The following ANKS1B variants were observed in gnomAD, a reference collection of about 807,000 sequenced individuals.
The protein encoded by ANKS1B is ankyrin repeat and sterile alpha motif domain-containing protein 1B.
In ANKS1B, 36 loss-of-function variants were observed where a neutral mutation model predicts 148.3. That is an observed-to-expected ratio of 0.24 (90% CI 0.19 to 0.32). The LOEUF (loss-of-function observed/expected upper bound fraction) is 0.32. ANKS1B is among the 10% of genes least tolerant of loss of function. The pLI, the probability that ANKS1B is intolerant of heterozygous loss-of-function variation, is 1.00. For synonymous variants in ANKS1B, 542 were observed against 560.8 expected (o/e 0.97, Z 0.47); for missense variants, 1,157 against 1,542.6 (o/e 0.75, Z 4.19).
At chr12:99,332,261 A>G (rs1398002645) in intron 12 of ANKS1B, among the ~76,000 whole-genome samples, 2 of 152,050 alleles carry the variant, frequency 1.3e-5, no homozygotes, top group African/African-American at 4.8e-5. Context: ...TGCGCACATT[A>G]AAGTTTGAGA....
chr12:98,876,003 A>G (rs1366664917), intron 17 of ANKS1B, among the ~76,000 whole-genome samples: 1 of 152,222 alleles, frequency 6.6e-6, no homozygotes, highest in Non-Finnish European at 1.5e-5. Context: ...TGCAGGAACC[A>G]TAACAAAAAC....
chr12:98,913,340 C>T (rs1567746613), intron 17 of ANKS1B, among the ~76,000 whole-genome samples: 1 of 152,152 alleles, frequency 6.6e-6, no homozygotes, highest in African/African-American at 2.4e-5. Context: ...ACATTCAGGA[C>T]CATACTCTCC....
intron 22 of ANKS1B, among the ~76,000 whole-genome samples, chr12:98,793,541 G>A (rs891091835): frequency 1.3e-5 from 2 of 152,128 alleles, no homozygotes; most frequent in Non-Finnish European, 2.9e-5. Flanking sequence ...AACAGCAAAG[G>A]AGACATCTTA....
At chr12:98,905,993 C>A (rs1442550167) in intron 17 of ANKS1B, among the ~76,000 whole-genome samples, 4 of 152,172 alleles carry the variant, frequency 2.6e-5, no homozygotes, top group African/African-American at 9.7e-5. Flanking sequence ...ATAGAATGAA[C>A]CAGTGTTCCC....
At chr12:98,854,424 G>A (rs553027854) in intron 17 of ANKS1B, among the ~76,000 whole-genome samples, 1 of 152,272 alleles carries the variant, frequency 6.6e-6, no homozygotes, top group East Asian at 1.9e-4. Context: ...TTAGTAATAT[G>A]ACTGAAAAAT....
At chr12:98,883,412 G>A (rs563358088) in intron 17 of ANKS1B, among the ~76,000 whole-genome samples, 6 of 152,268 alleles carry the variant, frequency 3.9e-5, no homozygotes, top group South Asian at 4.1e-4. Context: ...CCCATATGAC[G>A]ATGGTCACAT....
At position 99,070,876 on chromosome 12, in the gene ANKS1B, C is replaced by G. The variant is rs568306576; in HGVS notation, c.2625+14049G>C. 2.0e-5 allele frequency among the ~76,000 whole-genome samples: 3 copies of G among 152,126 alleles called. No homozygotes were observed. In the East Asian group the frequency reaches 5.8e-4, roughly 29 times the overall value. On this transcript the variant is annotated intron_variant, in intron 16 of 26. Coordinates refer to ENST00000683438, the MANE Select transcript of ANKS1B (RefSeq NM_001352186.2). ...GACAGGGTCTCACTATGTTGCCCAG[C>G]CTTGTCTTGAAGTCCTTCCCTCACG... is the stretch of plus-strand genomic sequence containing the variant.
chr12:99,553,764 C>A (rs575958413), intron 9 of ANKS1B, among the ~76,000 whole-genome samples: 2 of 152,250 alleles, frequency 1.3e-5, no homozygotes, highest in East Asian at 3.9e-4. Flanking sequence ...TTTTTATTTG[C>A]GGGATCATCT....
chr12:99,675,094 C>A (rs1426981233), intron 8 of ANKS1B, among the ~76,000 whole-genome samples: 1 of 151,972 alleles, frequency 6.6e-6, no homozygotes, highest in South Asian at 2.1e-4. Context: ...TGTTTTCAAA[C>A]CATAATGTTT....
At chr12:99,324,449 C>T (rs562555430) in intron 12 of ANKS1B, among the ~76,000 whole-genome samples, 1 of 152,088 alleles carries the variant, frequency 6.6e-6, no homozygotes, top group African/African-American at 2.4e-5. Context: ...TCCAGCATCA[C>T]GACCCTCTGA....
chr12:99,283,262 G>C (rs769435788), intron 12 of ANKS1B, among the ~76,000 whole-genome samples: 1 of 152,140 alleles, frequency 6.6e-6, no homozygotes, highest in South Asian at 2.1e-4. Flanking sequence ...GTGAAATTCT[G>C]GGTAGATGCC....
At chr12:99,668,305 C>G (rs2098519329) in intron 8 of ANKS1B, among the ~76,000 whole-genome samples, 1 of 152,018 alleles carries the variant, frequency 6.6e-6, no homozygotes, top group Non-Finnish European at 1.5e-5. Flanking sequence ...TATTCATTCT[C>G]CTGGATCTTT....
intron 17 of ANKS1B, among the ~76,000 whole-genome samples, chr12:98,858,987 T>G (rs1371673708): frequency 2.6e-5 from 4 of 152,218 alleles, no homozygotes; most frequent in Non-Finnish European, 1.5e-5. Flanking sequence ...TGTTGTGTCT[T>G]TCTAAGATTT....
At chr12:98,876,951 T>G (rs947974350) in intron 17 of ANKS1B, among the ~76,000 whole-genome samples, 2 of 152,216 alleles carry the variant, frequency 1.3e-5, no homozygotes, top group African/African-American at 4.8e-5. Flanking sequence ...ATTTTCACTG[T>G]GAGTTTATTC....
intron 1 of ANKS1B, among the ~76,000 whole-genome samples, chr12:99,930,366 T>G (rs1448442659): frequency 6.6e-6 from 1 of 152,236 alleles, no homozygotes; most frequent in African/African-American, 2.4e-5. Flanking sequence ...GAGACTTTGC[T>G]GAAGTTGCTT....
intron 21 of ANKS1B, among the ~76,000 whole-genome samples, chr12:98,799,962 G>A (rs2098987143): frequency 6.6e-6 from 1 of 151,862 alleles, no homozygotes; most frequent in Non-Finnish European, 1.5e-5. Flanking sequence ...CTGGAGACTT[G>A]TACTCTGCAG....
intron 12 of ANKS1B, among the ~76,000 whole-genome samples, chr12:99,285,862 T>C (rs1478939904): frequency 6.6e-6 from 1 of 152,014 alleles, no homozygotes; most frequent in South Asian, 2.1e-4. Flanking sequence ...AGAGTGAGCA[T>C]TTAGACCAGC....
chr12:99,939,932 A>T (rs935240503), intron 1 of ANKS1B, among the ~76,000 whole-genome samples: 3 of 152,196 alleles, frequency 2.0e-5, no homozygotes, highest in Non-Finnish European at 2.9e-5. Flanking sequence ...TTTAAGAGAA[A>T]GTTATTTTAA....
At chr12:99,866,746 A>G (rs1161294589) in intron 1 of ANKS1B, among the ~76,000 whole-genome samples, 1 of 152,230 alleles carries the variant, frequency 6.6e-6, no homozygotes, top group African/African-American at 2.4e-5. Context: ...GATGAAATAA[A>G]TCAGTAAAAG....
Sources: allele counts gnomAD v4.1 joint callset (sites outside exome capture counted in the v4.1 genomes callset), GRCh38; gene constraint gnomAD v4.1.1; transcripts MANE v1.5; gene names NCBI Gene and HGNC (gene_info 2026-07-23, HGNC 2026-07-21).